The following PDE4D variants were observed in gnomAD, a reference collection of about 807,000 sequenced individuals.
The protein encoded by PDE4D is phosphodiesterase 4D.
A neutral mutation model predicts 87.4 loss-of-function variants in PDE4D; 24 were observed. The ratio of observed to expected loss-of-function variants is 0.27; its 90% CI spans 0.20 to 0.39. The LOEUF (loss-of-function observed/expected upper bound fraction) is 0.39, where lower values mean the gene tolerates loss of function less well. PDE4D is among the 10% of genes least tolerant of loss of function. The pLI is 1.00. For synonymous variants in PDE4D, 384 were observed against 383.2 expected (o/e 1.00, Z -0.02); for missense variants, 714 against 1,041.0 (o/e 0.69, Z 4.32).
At chr5:60,503,878 C>T (rs1247933944) in intron 1 of PDE4D, among the ~76,000 whole-genome samples, 1 of 151,988 alleles carries the variant, frequency 6.6e-6, no homozygotes, top group African/African-American at 2.4e-5. Context: ...AGAGGAAATT[C>T]CAAAGATATG....
chr5:60,063,001 T>C (rs1771593654), intron 2 of PDE4D, among the ~76,000 whole-genome samples: 1 of 151,318 alleles, frequency 6.6e-6, no homozygotes, highest in African/African-American at 2.4e-5. Flanking sequence ...GGTTGATAGG[T>C]GCAGCAAATC....
intron 1 of PDE4D, among the ~76,000 whole-genome samples, chr5:59,633,237 T>G (rs150627702): frequency 6.6e-6 from 1 of 152,294 alleles, no homozygotes; most frequent in East Asian, 1.9e-4. Context: ...TATGGGACTA[T>G]GTAAAAAGCC....
intron 1 of PDE4D, among the ~76,000 whole-genome samples, chr5:59,225,956 G>T (rs1208099063): frequency 2.0e-5 from 3 of 151,480 alleles, no homozygotes; most frequent in Non-Finnish European, 2.9e-5. Flanking sequence ...ACCACAATGA[G>T]ATATTGCTTC....
chr5:59,260,312 C>T (rs1761760394), intron 1 of PDE4D, among the ~76,000 whole-genome samples: 2 of 151,816 alleles, frequency 1.3e-5, no homozygotes, highest in South Asian at 4.1e-4. Flanking sequence ...TTGAAATTTA[C>T]AGGGTATGTC....
At chr5:60,395,301 G>C (rs1244781815) in intron 1 of PDE4D, among the ~76,000 whole-genome samples, 6 of 131,100 alleles carry the variant, frequency 4.6e-5, no homozygotes, top group Non-Finnish European at 1.6e-5. Context: ...TAAAATGTAA[G>C]GTTTTTTTTT....
chr5:59,649,918 T>C (rs1362844414), intron 1 of PDE4D, among the ~76,000 whole-genome samples: 13 of 128,992 alleles, frequency 1.0e-4, no homozygotes, highest in African/African-American at 3.4e-4. Flanking sequence ...TTTTTTTTTT[T>C]TTTTTTTTTT....
intron 1 of PDE4D, among the ~76,000 whole-genome samples, chr5:59,471,946 T>C (rs1226830379): frequency 6.6e-6 from 1 of 152,166 alleles, no homozygotes; most frequent in Non-Finnish European, 1.5e-5. Flanking sequence ...ACTTGCCTTA[T>C]TCCACATTCA....
chr5:59,681,854 C>T (rs375260136), intron 1 of PDE4D, among the ~76,000 whole-genome samples: 25 of 133,936 alleles, frequency 1.9e-4, no homozygotes, highest in African/African-American at 6.1e-4. Flanking sequence ...TGAGCCGAGG[C>T]GGAGTCACTG....
At chr5:60,487,410 T>C (rs905003974) in intron 1 of PDE4D, among the ~76,000 whole-genome samples, 1 of 152,228 alleles carries the variant, frequency 6.6e-6, no homozygotes, top group Non-Finnish European at 1.5e-5. Context: ...GTTTTAGTTA[T>C]TCATAGTGTA....
intron 2 of PDE4D, among the ~76,000 whole-genome samples, chr5:59,204,058 T>C (rs1235161066): frequency 6.6e-6 from 1 of 152,184 alleles, no homozygotes; most frequent in Non-Finnish European, 1.5e-5. Flanking sequence ...GACCTGTTAA[T>C]TGCTTGATTT....
intron 1 of PDE4D, among the ~76,000 whole-genome samples, chr5:60,380,792 C>T (rs781372248): frequency 6.6e-5 from 10 of 152,182 alleles, no homozygotes; most frequent in African/African-American, 2.2e-4. Flanking sequence ...ATCACAACAA[C>T]GAGAAATCGA....
chr5:59,424,634 T>G (rs967127816), intron 1 of PDE4D, among the ~76,000 whole-genome samples: 4 of 152,240 alleles, frequency 2.6e-5, no homozygotes, highest in African/African-American at 9.6e-5. Flanking sequence ...TTCAGAGTAC[T>G]CACTCACTAT....
chr5:60,048,504 C>A (rs1467879026), intron 2 of PDE4D, among the ~76,000 whole-genome samples: 1 of 152,014 alleles, frequency 6.6e-6, no homozygotes, highest in African/African-American at 2.4e-5. Context: ...TGGCTGGTAC[C>A]ATTTGTTCCT....
At chr5:59,672,188 G>T (rs2150333394) in intron 1 of PDE4D, among the ~76,000 whole-genome samples, 1 of 152,262 alleles carries the variant, frequency 6.6e-6, no homozygotes, top group East Asian at 1.9e-4. Context: ...CACACAGAAA[G>T]AGACTAGATG....
intron 1 of PDE4D, among the ~76,000 whole-genome samples, chr5:59,839,135 T>C (rs780157146): frequency 1.3e-5 from 2 of 151,798 alleles, no homozygotes; most frequent in Non-Finnish European, 2.9e-5. Context: ...CAGTGGAAGA[T>C]GGAGCTTGCA....
chr5:59,003,291 G>A (rs1476100749), intron 6 of PDE4D, among the ~76,000 whole-genome samples: 1 of 152,102 alleles, frequency 6.6e-6, no homozygotes, highest in Non-Finnish European at 1.5e-5. Context: ...CCAACGCCAA[G>A]CCTATTTTCA....
chr5:59,734,634 G>T lies in PDE4D; in HGVS notation c.455+158534C>A, dbSNP rs181104891. Among the ~76,000 whole-genome samples the T allele has an allele frequency of 3.6e-4, 55 of 152,170 alleles. No individual in the cohort carries two copies. The East Asian group carries it at 7.9e-3, about 22-fold the overall frequency. On this transcript the variant is annotated intron_variant, in intron 1 of 14. Coordinates refer to ENST00000340635, the MANE Select transcript of PDE4D (RefSeq NM_001104631.2). ...ATGAGAGAACTGTCAAGAAGCAAAA[G>T]ATATTAAGATAACTCCATGTATTAA...
At chr5:59,395,437 C>T (rs1013180128) in intron 1 of PDE4D, among the ~76,000 whole-genome samples, 47 of 152,316 alleles carry the variant, frequency 3.1e-4, no homozygotes, top group African/African-American at 9.9e-4. Flanking sequence ...CCCTGACCCC[C>T]GAGCAGCCTA....
At chr5:60,165,222 A>G (rs1782782035) in intron 2 of PDE4D, among the ~76,000 whole-genome samples, 2 of 152,166 alleles carry the variant, frequency 1.3e-5, no homozygotes, top group Non-Finnish European at 2.9e-5. Flanking sequence ...GTGATTCCAT[A>G]TCTTGGCTAT....
Sources: gnomAD v4.1 joint callset for allele counts (sites outside exome capture counted in the v4.1 genomes callset) on GRCh38, gnomAD v4.1.1 for gene constraint, MANE v1.5 for transcripts, NCBI Gene and HGNC (gene_info 2026-07-23, HGNC 2026-07-21) for gene names.